The following CLRN1 variants were observed in gnomAD, a reference collection of about 807,000 sequenced individuals.
The protein encoded by CLRN1 is clarin 1.
A neutral mutation model predicts 18.7 loss-of-function variants in CLRN1; 15 were observed. The observed-to-expected ratio is 0.80, with a 90% CI of 0.54 to 1.23. The LOEUF (loss-of-function observed/expected upper bound fraction) is 1.23. Ranked by LOEUF, CLRN1 falls within the 50% of genes most tolerant of loss-of-function variation. CLRN1 has a pLI of 0.00. For missense variants in CLRN1, 311 were observed against 277.5 expected (o/e 1.12, Z -0.86); for synonymous variants, 104 against 102.9 (o/e 1.01, Z -0.07).
At chr3:150,967,184 C>T (rs954395211) in intron 1 of CLRN1, among the ~76,000 whole-genome samples, 3 of 152,188 alleles carry the variant, frequency 2.0e-5, no homozygotes, top group African/African-American at 7.2e-5. Flanking sequence ...GAATAATACA[C>T]AGCTCCTGCC....
At chr3:150,953,689 T>A (rs11711455) in intron 1 of CLRN1, among the ~76,000 whole-genome samples, 26,740 of 152,074 alleles carry the variant, frequency 0.18, 2,641 homozygotes, top group South Asian at 0.38. Flanking sequence ...AGCTAATTTT[T>A]GTATTTTTAG....
intron 1 of CLRN1, among the ~76,000 whole-genome samples, chr3:150,949,297 C>T (rs1052603076): frequency 6.6e-6 from 1 of 152,126 alleles, no homozygotes; most frequent in Non-Finnish European, 1.5e-5. Context: ...AAAACTGGCA[C>T]AAGACAAGAA....
At chr3:150,955,888 A>T (rs533887736) in intron 1 of CLRN1, among the ~76,000 whole-genome samples, 1 of 152,326 alleles carries the variant, frequency 6.6e-6, no homozygotes, top group African/African-American at 2.4e-5. Flanking sequence ...AATTTCACCC[A>T]TACGCCTACC....
chr3:150,948,124 A>G (rs1714273665), intron 1 of CLRN1, among the ~76,000 whole-genome samples: 1 of 152,166 alleles, frequency 6.6e-6, no homozygotes, highest in Non-Finnish European at 1.5e-5. Context: ...TTTTGAAAAA[A>G]TTAATAAGAT....
chr3:150,969,952 C>G (rs1715454381), intron 1 of CLRN1, among the ~76,000 whole-genome samples: 1 of 152,084 alleles, frequency 6.6e-6, no homozygotes, highest in Admixed American at 6.5e-5. Context: ...GTGATTGTTA[C>G]CTTGATAAGT....
At chr3:150,954,139 A>G (rs543914744) in intron 1 of CLRN1, among the ~76,000 whole-genome samples, 3 of 152,306 alleles carry the variant, frequency 2.0e-5, no homozygotes, top group South Asian at 4.1e-4. Flanking sequence ...CACCCCTACC[A>G]GGAAGTTTTG....
intron 2 of CLRN1, among the ~76,000 whole-genome samples, chr3:150,938,729 C>G (rs1204969910): frequency 6.6e-6 from 1 of 152,144 alleles, no homozygotes; most frequent in African/African-American, 2.4e-5. Context: ...TTCCTTTCTC[C>G]CCTTCTCTTC....
At chr3:150,958,771 CCAT>C (rs1296685844) in intron 1 of CLRN1, among the ~76,000 whole-genome samples, 1 of 152,194 alleles carries the variant, frequency 6.6e-6, no homozygotes, top group Admixed American at 6.5e-5. Context: ...TGCTACTCAT[CCAT>C]CTATAGCTCG....
intron 1 of CLRN1, among the ~76,000 whole-genome samples, chr3:150,946,700 ATTTC>A (rs1316198411): frequency 8.0e-6 from 1 of 125,028 alleles, no homozygotes; most frequent in Non-Finnish European, 1.7e-5. Context: ...TGAACAGACC[ATTTC>A]TTTTTTTTTT....
chr3:150,931,126 T>G (rs1456136), intron 2 of CLRN1, among the ~76,000 whole-genome samples: 90,916 of 152,054 alleles, frequency 0.6, 28,588 homozygotes, highest in East Asian at 0.7. Flanking sequence ...GTGAACTTGG[T>G]ATATTTTTGC....
chr3:150,948,503 AAAAAAAG>A (rs1231277578), intron 1 of CLRN1, among the ~76,000 whole-genome samples: 81 of 149,472 alleles, frequency 5.4e-4, no homozygotes, highest in Middle Eastern at 3.5e-3. Context: ...AAAAAAAAAA[AAAAAAAG>A]AAATGATGAA....
chr3:150,940,395 T>A, intron 2 of CLRN1: 1 of 1,294,276 alleles, frequency 7.7e-7, no homozygotes, highest in Non-Finnish European at 1.0e-6. Flanking sequence ...CAGGCCTTTG[T>A]TTTATAGAGA....
chr3:150,945,964 A>G (rs1714144724), intron 1 of CLRN1, among the ~76,000 whole-genome samples: 1 of 152,242 alleles, frequency 6.6e-6, no homozygotes, highest in Non-Finnish European at 1.5e-5. Context: ...AAGTATTACA[A>G]GGATATTCAT....
Position 150,927,922 on chromosome 3 carries a change from G to T in CLRN1, c.*14C>A. 6.2e-7 allele frequency: 1 copy of T among 1,613,962 alleles called. No homozygotes were observed. The highest frequency in any genetic ancestry group is 8.5e-7 in the Non-Finnish European group (1 of 1,179,986). ...AAGTCTACTCCCTTGTAAAATTATA[G>T]AAAGGTTTGCCTTTCAGTACATTAG... On this transcript the variant is annotated 3_prime_UTR_variant, in exon 3 of 3. Transcript: ENST00000327047.
rs757466689 is a variant in CLRN1, at chr3:150,926,994, A to G, written c.*942T>C. 172 of 1,531,096 alleles carry G rather than the reference A, an allele frequency of 1.1e-4. No individual in the cohort carries two copies. Among genetic ancestry groups the G allele is most frequent in the Non-Finnish European group, 1.5e-4 (163 of 1,123,280 alleles). The allele number at this position is 1,531,096 out of a possible 1,614,324, so 94.8% of individuals were successfully genotyped here. A position where few individuals can be genotyped will look rare whatever the true frequency, so the allele number is the denominator to read the frequency against. ...ACCGTCATAATCCCAGATTTAATAT[A>G]ATTTTCATAATTGCATATTAGTACT... On this transcript the variant is annotated 3_prime_UTR_variant, in exon 3 of 3. Transcript: ENST00000327047.
intron 1 of CLRN1, among the ~76,000 whole-genome samples, chr3:150,944,701 G>A (rs1714070888): frequency 6.6e-6 from 1 of 151,730 alleles, no homozygotes; most frequent in Non-Finnish European, 1.5e-5. Flanking sequence ...GTTGCAGTGA[G>A]CCAAGGTCCC....
chr3:150,929,730 C>A (rs1477879963), intron 2 of CLRN1, among the ~76,000 whole-genome samples: 1 of 152,206 alleles, frequency 6.6e-6, no homozygotes, highest in African/African-American at 2.4e-5. Context: ...AATTTGGTTT[C>A]AAATCCTGAT....
chr3:150,939,554 T>C (rs1713687671), intron 2 of CLRN1, among the ~76,000 whole-genome samples: 1 of 152,174 alleles, frequency 6.6e-6, no homozygotes, highest in African/African-American at 2.4e-5. Context: ...GAAGGGAGAT[T>C]GTTAAAATAC....
chr3:150,933,575 G>A (rs1576626733), intron 2 of CLRN1, among the ~76,000 whole-genome samples: 1 of 152,238 alleles, frequency 6.6e-6, no homozygotes, highest in African/African-American at 2.4e-5. Flanking sequence ...TGAGCTGTCT[G>A]TGTGTGTTTC....
Sources: gnomAD v4.1 joint callset for allele counts (sites outside exome capture counted in the v4.1 genomes callset) on GRCh38, gnomAD v4.1.1 for gene constraint, MANE v1.5 for transcripts, NCBI Gene and HGNC (gene_info 2026-07-23, HGNC 2026-07-21) for gene names.